PXDNL: variants seen among roughly 807,000 people sequenced by gnomAD.
The protein encoded by PXDNL is probable oxidoreductase PXDNL.
A neutral mutation model predicts 150.8 loss-of-function variants in PXDNL; 145 were observed. That is an observed-to-expected ratio of 0.96 (90% CI 0.84 to 1.10). PXDNL has a LOEUF of 1.10. Among genes scored for constraint, PXDNL ranks in the 50% least tolerant of loss-of-function variants. The probability of loss-of-function intolerance (pLI) is 0.00; values close to 1 mark genes in which losing one functional copy is unlikely to be tolerated. For missense variants in PXDNL, 2,087 were observed against 1,873.9 expected, an observed-to-expected ratio of 1.11 and a Z score of -2.10; for synonymous variants, 757 against 725.7, an observed-to-expected ratio of 1.04 and a Z score of -0.69.
At chr8:51,478,401 A>G (rs7357582) in intron 6 of PXDNL, among the ~76,000 whole-genome samples, 30,554 of 152,172 alleles carry the variant, frequency 0.2, 4,204 homozygotes, top group African/African-American at 0.39. Context: ...AAAATTTCAA[A>G]GGAAATAAGT....
chr8:51,633,382 G>C (rs1814532568), intron 2 of PXDNL, among the ~76,000 whole-genome samples: 1 of 152,128 alleles, frequency 6.6e-6, no homozygotes, highest in South Asian at 2.1e-4. Context: ...CTTTTTGGTA[G>C]TACAGTTGTT....
intron 3 of PXDNL, among the ~76,000 whole-genome samples, chr8:51,591,336 A>G (rs58271482): frequency 0.051 from 7,743 of 152,246 alleles, 449 homozygotes; most frequent in African/African-American, 0.15. Flanking sequence ...GGAATTGACT[A>G]AACTAAGAGG....
chr8:51,357,653 C>A (rs1806555276), intron 19 of PXDNL, among the ~76,000 whole-genome samples: 1 of 152,096 alleles, frequency 6.6e-6, no homozygotes, highest in Non-Finnish European at 1.5e-5. Flanking sequence ...AATTAACCCA[C>A]AAGGTAAAAG....
At chr8:51,531,381 C>G (rs944777311) in intron 4 of PXDNL, among the ~76,000 whole-genome samples, 6 of 152,172 alleles carry the variant, frequency 3.9e-5, no homozygotes, top group African/African-American at 1.4e-4. Context: ...TCCCTCCGCC[C>G]CACTGCCCAC....
At chr8:51,624,061 C>G (rs1324840808) in intron 2 of PXDNL, among the ~76,000 whole-genome samples, 2 of 137,426 alleles carry the variant, frequency 1.5e-5, no homozygotes, top group African/African-American at 2.6e-5. Flanking sequence ...CCACTGTACT[C>G]CAGCCTGGGT....
rs191995949 is a variant in PXDNL at position 51,442,629 on chromosome 8, C to T, written c.1525+4375G>A. On this transcript the variant is annotated intron_variant, in intron 12 of 22. Transcript: ENST00000356297. ...AGCTATGGAAATACTCATGATTCTT[C>T]TTCCTAAATCTATTAATATAAAATA... Among the ~76,000 whole-genome samples, 29 of 151,976 alleles carry T rather than the reference C, an allele frequency of 1.9e-4. No homozygotes were observed. In the East Asian group the frequency reaches 5.0e-3, roughly 26 times the overall value.
intron 4 of PXDNL, among the ~76,000 whole-genome samples, chr8:51,554,646 A>C (rs575160515): frequency 6.6e-6 from 1 of 152,294 alleles, no homozygotes; most frequent in Non-Finnish European, 1.5e-5. Flanking sequence ...CATTCTCTTA[A>C]ATTCAGCCTT....
intron 4 of PXDNL, among the ~76,000 whole-genome samples, chr8:51,522,627 T>A (rs1392247683): frequency 1.3e-5 from 2 of 152,158 alleles, no homozygotes; most frequent in African/African-American, 2.4e-5. Flanking sequence ...GTGGATCACC[T>A]GAGGTCAGGA....
At chr8:51,362,379 T>G (rs1324350856) in intron 19 of PXDNL, among the ~76,000 whole-genome samples, 1 of 152,224 alleles carries the variant, frequency 6.6e-6, no homozygotes, top group Non-Finnish European at 1.5e-5. Flanking sequence ...AACTAAAATA[T>G]GCCTTTCTGG....
intron 2 of PXDNL, among the ~76,000 whole-genome samples, chr8:51,607,890 A>AAGGC (rs1813873921): frequency 8.5e-6 from 1 of 117,706 alleles, no homozygotes; most frequent in African/African-American, 3.7e-5. Flanking sequence ...GGAAGGAAGG[A>AAGGC]AGGAAGGTGG....
At chr8:51,406,796 C>T (rs754251358) in intron 17 of PXDNL, among the ~76,000 whole-genome samples, 29 of 152,308 alleles carry the variant, frequency 1.9e-4, no homozygotes, top group African/African-American at 7.2e-5. Flanking sequence ...CTCCCCCGCA[C>T]GCTGTCAGGC....
At chr8:51,682,595 C>T (rs1389460056) in intron 1 of PXDNL, among the ~76,000 whole-genome samples, 1 of 152,172 alleles carries the variant, frequency 6.6e-6, no homozygotes, top group Non-Finnish European at 1.5e-5. Flanking sequence ...CACTTATTCT[C>T]CCCTAACCTA....
intron 2 of PXDNL, among the ~76,000 whole-genome samples, chr8:51,606,539 G>A (rs1397027480): frequency 6.6e-6 from 1 of 152,082 alleles, no homozygotes; most frequent in Non-Finnish European, 1.5e-5. Context: ...ACTTTTAAAA[G>A]CAGAGTTTTA....
chr8:51,746,337 A>AG (rs1303339759), intron 1 of PXDNL, among the ~76,000 whole-genome samples: 1 of 152,220 alleles, frequency 6.6e-6, no homozygotes, highest in African/African-American at 2.4e-5. Context: ...CTAGTAGAAG[A>AG]GGGAGTGGCC....
intron 21 of PXDNL, among the ~76,000 whole-genome samples, chr8:51,325,324 T>C (rs1805449860): frequency 6.6e-6 from 1 of 152,180 alleles, no homozygotes; most frequent in Non-Finnish European, 1.5e-5. Flanking sequence ...GCCTTCTGGT[T>C]TAGGTGTTTT....
chr8:51,458,249 T>C (rs1809980970), intron 8 of PXDNL, among the ~76,000 whole-genome samples: 1 of 152,244 alleles, frequency 6.6e-6, no homozygotes, highest in Non-Finnish European at 1.5e-5. Context: ...AAGTCCCATT[T>C]ATCAATTAAG....
At chr8:51,684,087 C>T (rs1206360195) in intron 1 of PXDNL, among the ~76,000 whole-genome samples, 1 of 152,164 alleles carries the variant, frequency 6.6e-6, no homozygotes, top group Non-Finnish European at 1.5e-5. Flanking sequence ...GTGTTCCCAC[C>T]TAGAGGGCAG....
intron 1 of PXDNL, among the ~76,000 whole-genome samples, chr8:51,786,765 C>T (rs1011679736): frequency 6.6e-6 from 1 of 152,080 alleles, no homozygotes; most frequent in African/African-American, 2.4e-5. Context: ...ATGAAAGTGG[C>T]CACACTAAAC....
At chr8:51,621,309 A>C (rs1029239506) in intron 2 of PXDNL, among the ~76,000 whole-genome samples, 4 of 152,236 alleles carry the variant, frequency 2.6e-5, no homozygotes, top group African/African-American at 9.6e-5. Flanking sequence ...AAATAGAATG[A>C]TAACAACAGT....
Sources: allele counts gnomAD v4.1 joint callset (sites outside exome capture counted in the v4.1 genomes callset), GRCh38; gene constraint gnomAD v4.1.1; transcripts MANE v1.5; gene names NCBI Gene and HGNC (gene_info 2026-07-23, HGNC 2026-07-21).